ANKRD44: variants seen among roughly 807,000 people sequenced by gnomAD.
ANKRD44 encodes the protein serine/threonine-protein phosphatase 6 regulatory ankyrin repeat subunit B.
In ANKRD44, 35 loss-of-function variants were observed where a neutral mutation model predicts 116.0. The observed-to-expected ratio is 0.30, with a 90% CI of 0.23 to 0.40. The LOEUF is 0.40. Among genes scored for constraint, ANKRD44 ranks in the 10% least tolerant of loss-of-function variants. The probability of loss-of-function intolerance (pLI) is 1.00; values close to 1 mark genes in which losing one functional copy is unlikely to be tolerated. For synonymous variants in ANKRD44, 435 were observed against 461.8 expected, an observed-to-expected ratio of 0.94 and a Z score of 0.74; for missense variants, 1,014 against 1,242.6, an observed-to-expected ratio of 0.82 and a Z score of 2.77.
At chr2:197,253,439 T>C (rs1217422807) in intron 1 of ANKRD44, among the ~76,000 whole-genome samples, 1 of 152,196 alleles carries the variant, frequency 6.6e-6, no homozygotes, top group Non-Finnish European at 1.5e-5. Context: ...ATATATTATC[T>C]ACACACACAC....
intron 2 of ANKRD44, among the ~76,000 whole-genome samples, chr2:197,166,585 C>T (rs6434913): frequency 0.91 from 138,620 of 152,282 alleles, 64,493 homozygotes; most frequent in East Asian, 1. Flanking sequence ...ATTCCTAGAA[C>T]AGAGAAGAAG....
intron 9 of ANKRD44, among the ~76,000 whole-genome samples, chr2:197,103,800 A>G (rs1295270882): frequency 2.6e-5 from 4 of 152,184 alleles, no homozygotes; most frequent in African/African-American, 9.6e-5. Context: ...AGTCAGTACT[A>G]GTATTTTGGA....
intron 1 of ANKRD44, among the ~76,000 whole-genome samples, chr2:197,271,304 T>C (rs2082892303): frequency 6.6e-6 from 1 of 152,184 alleles, no homozygotes; most frequent in African/African-American, 2.4e-5. Flanking sequence ...AGTGCCCTTA[T>C]AAAACAGGCC....
At chr2:197,140,789 T>C (rs1286462334) in intron 3 of ANKRD44, among the ~76,000 whole-genome samples, 3 of 152,204 alleles carry the variant, frequency 2.0e-5, no homozygotes, top group Non-Finnish European at 4.4e-5. Flanking sequence ...GTGACAGAGA[T>C]AGACATCTCT....
At chr2:197,192,779 T>C (rs2080855227) in intron 1 of ANKRD44, among the ~76,000 whole-genome samples, 1 of 152,174 alleles carries the variant, frequency 6.6e-6, no homozygotes, top group South Asian at 2.1e-4. Context: ...CACCCTTTAC[T>C]TGAGAAGTTC....
At chr2:197,234,550 T>A (rs970189193) in intron 1 of ANKRD44, among the ~76,000 whole-genome samples, 6 of 152,238 alleles carry the variant, frequency 3.9e-5, no homozygotes, top group Non-Finnish European at 8.8e-5. Flanking sequence ...CTTTACGAAT[T>A]GTTCTACAAT....
intron 2 of ANKRD44, among the ~76,000 whole-genome samples, chr2:197,162,515 A>T (rs537674202): frequency 2.0e-5 from 3 of 152,230 alleles, no homozygotes; most frequent in Non-Finnish European, 4.4e-5. Flanking sequence ...GCTTTGAAAT[A>T]CGGCACAAAA....
intron 1 of ANKRD44, among the ~76,000 whole-genome samples, chr2:197,231,600 A>C (rs1403765029): frequency 6.6e-6 from 1 of 151,856 alleles, no homozygotes; most frequent in African/African-American, 2.4e-5. Flanking sequence ...CAATGTCTAA[A>C]GATATCTTTG....
In ANKRD44 at chr2:196,992,518, C is replaced by T. The variant is rs76868428; in HGVS notation, c.2923+1065G>A. On this transcript the variant is annotated intron_variant, in intron 27 of 27. Transcript: ENST00000282272. ...CAGATTTACACCAGGAAAAGCAAAA[C>T]TAATTTATTCTATTCTCTTTGACCA... 1.9e-3 allele frequency among the ~76,000 whole-genome samples: 294 copies of T among 152,256 alleles called. 2 individuals carry two copies. In the East Asian group the frequency reaches 0.039, roughly 20 times the overall value.
chr2:197,141,586 G>A (rs984563672), intron 3 of ANKRD44, among the ~76,000 whole-genome samples: 5 of 152,140 alleles, frequency 3.3e-5, no homozygotes, highest in African/African-American at 9.7e-5. Context: ...AGCATTGTTC[G>A]CGTGTAGCTT....
At chr2:197,074,933 T>C (rs564041561) in intron 16 of ANKRD44, among the ~76,000 whole-genome samples, 8 of 152,308 alleles carry the variant, frequency 5.3e-5, no homozygotes, top group Admixed American at 4.6e-4. Flanking sequence ...AAGACACAGT[T>C]GCTTTCAGTC....
At chr2:197,279,009 T>C (rs991812719) in intron 1 of ANKRD44, among the ~76,000 whole-genome samples, 2 of 152,206 alleles carry the variant, frequency 1.3e-5, no homozygotes, top group Admixed American at 6.5e-5. Flanking sequence ...TGGGCTCTCA[T>C]GTGTTGTGAG....
At chr2:197,020,379 A>G (rs2076473668) in intron 17 of ANKRD44, among the ~76,000 whole-genome samples, 1 of 152,210 alleles carries the variant, frequency 6.6e-6, no homozygotes, top group Non-Finnish European at 1.5e-5. Context: ...TAAAGACAGA[A>G]TGGTTGAGAG....
At chr2:197,108,082 T>A (rs1182944562) in intron 9 of ANKRD44, among the ~76,000 whole-genome samples, 1 of 152,230 alleles carries the variant, frequency 6.6e-6, no homozygotes, top group Non-Finnish European at 1.5e-5. Context: ...GGAATTTTTT[T>A]AAAACACCAT....
chr2:197,024,517 G>A (rs949205759), intron 17 of ANKRD44, among the ~76,000 whole-genome samples: 7 of 152,226 alleles, frequency 4.6e-5, no homozygotes, highest in African/African-American at 7.2e-5. Flanking sequence ...AGTGGTGGGT[G>A]CACTTCCCAC....
At chr2:197,220,068 A>G (rs539711497) in intron 1 of ANKRD44, among the ~76,000 whole-genome samples, 7 of 152,358 alleles carry the variant, frequency 4.6e-5, no homozygotes, top group African/African-American at 1.4e-4. Context: ...AACTCTATGC[A>G]AATTACTTTG....
chr2:197,301,548 T>C (rs1181860914), intron 1 of ANKRD44: 1 of 152,226 alleles, frequency 6.6e-6, no homozygotes, highest in Non-Finnish European at 1.5e-5. Context: ...ATCTTTTATC[T>C]TTTCATAGGG....
chr2:197,296,198 A>G (rs1446357182), intron 1 of ANKRD44: 1 of 152,206 alleles, frequency 6.6e-6, no homozygotes, highest in African/African-American at 2.4e-5. Flanking sequence ...AGAAGCTCCT[A>G]ATACCTGACT....
chr2:197,125,385 G>A lies in ANKRD44; in HGVS notation c.546C>T (p.Tyr182=). 2 of 1,614,028 alleles carry A rather than the reference G, an allele frequency of 1.2e-6. No homozygotes were observed. Among genetic ancestry groups the A allele is most frequent in the South Asian group, 1.1e-5 (1 of 91,080 alleles). Residue 182 remains tyrosine, a synonymous_variant, in exon 6 of 28, where the codon TAC becomes TAT. Coordinates refer to ENST00000282272, the MANE Select transcript of ANKRD44 (RefSeq NM_001195144.2). The stretch of plus-strand genomic sequence containing the variant: ...TTCCATGCATGGAATCCTTACCCAT[G>A]TATGCTGCCCAGTGCAGAGCACGCC... ...KDRRALHWAA[Y]MGHLDVVALL... is the part of the protein sequence containing the mutation.
Sources: gnomAD v4.1 joint callset for allele counts (sites outside exome capture counted in the v4.1 genomes callset) on GRCh38, gnomAD v4.1.1 for gene constraint, MANE v1.5 for transcripts, NCBI Gene and HGNC (gene_info 2026-07-23, HGNC 2026-07-21) for gene names.